PRRX1: variants seen among roughly 807,000 people sequenced by gnomAD.
PRRX1 encodes paired related homeobox 1.
PRRX1 carries 8 observed loss-of-function variants against 24.0 expected under a neutral mutation model. That is an observed-to-expected ratio of 0.33 (90% CI 0.20 to 0.60). The LOEUF (loss-of-function observed/expected upper bound fraction) is 0.60. Ranked by LOEUF, PRRX1 falls within the 20% of genes least tolerant of loss-of-function variation. The pLI, the probability that PRRX1 is intolerant of heterozygous loss-of-function variation, is 0.82. For synonymous variants in PRRX1, 160 were observed against 131.7 expected (o/e 1.22, Z -1.47); for missense variants, 281 against 322.4 (o/e 0.87, Z 0.98).
intron 1 of PRRX1, among the ~76,000 whole-genome samples, chr1:170,689,730 G>A (rs915553441): frequency 1.3e-5 from 2 of 151,962 alleles, no homozygotes; most frequent in African/African-American, 2.4e-5. Context: ...TATGGAGTGA[G>A]GTGGGGAGTG....
rs145919605 is a variant in PRRX1, at chr1:170,705,175, T to C, written c.242-14551T>C. Among the ~76,000 whole-genome samples the C allele has an allele frequency of 5.0e-3, 758 of 152,312 alleles. 10 individuals are homozygous for C. The highest frequency in any genetic ancestry group is 0.016 in the African/African-American group (679 of 41,560). ...GCTCCATGTCTGCATTACGTAGCAATTTAAGACCTCATTTATATAGCTCAT... is the reference window on the plus strand; with the variant it reads ...GCTCCATGTCTGCATTACGTAGCAACTTAAGACCTCATTTATATAGCTCAT... On this transcript the variant is annotated intron_variant, in intron 1 of 3. Coordinates refer to ENST00000239461, the MANE Select transcript of PRRX1 (RefSeq NM_022716.4).
chr1:170,681,664 T>C (rs1203548705), intron 1 of PRRX1, among the ~76,000 whole-genome samples: 3 of 152,202 alleles, frequency 2.0e-5, no homozygotes, highest in Non-Finnish European at 4.4e-5. Context: ...GAGTTGATTT[T>C]GACCATGGTC....
At chr1:170,700,176 A>AT (rs139349125) in intron 1 of PRRX1, among the ~76,000 whole-genome samples, 8,578 of 152,102 alleles carry the variant, frequency 0.056, 279 homozygotes, top group Middle Eastern at 0.12. Context: ...TTTGGAAGTT[A>AT]TTTTTTTGTG....
intron 1 of PRRX1, among the ~76,000 whole-genome samples, chr1:170,714,934 C>T (rs1461888944): frequency 1.3e-5 from 2 of 152,088 alleles, no homozygotes; most frequent in African/African-American, 4.8e-5. Context: ...CATATGTATT[C>T]TAACATTGTG....
chr1:170,705,061 A>C (rs1201596989), intron 1 of PRRX1, among the ~76,000 whole-genome samples: 2 of 151,930 alleles, frequency 1.3e-5, no homozygotes, highest in Non-Finnish European at 2.9e-5. Context: ...CAATATATAA[A>C]CTCTCACAAT....
At chr1:170,667,215 A>C (rs1426866615) in intron 1 of PRRX1, among the ~76,000 whole-genome samples, 2 of 152,002 alleles carry the variant, frequency 1.3e-5, no homozygotes, top group South Asian at 2.1e-4. Context: ...CAGCTTCCGG[A>C]GGAGGCCGCA....
chr1:170,720,080 C>T (rs1453082236), intron 2 of PRRX1, among the ~76,000 whole-genome samples, 179 bp downstream of exon 2: 1 of 152,030 alleles, frequency 6.6e-6, no homozygotes, highest in Non-Finnish European at 1.5e-5. Context: ...CCAGCCTGGG[C>T]AACATAGTGA....
At chr1:170,674,183 C>T (rs1024379402) in intron 1 of PRRX1, among the ~76,000 whole-genome samples, 2 of 145,566 alleles carry the variant, frequency 1.4e-5, no homozygotes, top group African/African-American at 2.5e-5. Flanking sequence ...TGCCTGATAC[C>T]TCTCTCTCTC....
At chr1:170,669,614 C>A (rs1233405158) in intron 1 of PRRX1, among the ~76,000 whole-genome samples, 1 of 151,626 alleles carries the variant, frequency 6.6e-6, no homozygotes, top group Non-Finnish European at 1.5e-5. Flanking sequence ...TTTTACAATC[C>A]CTCTCCTACA....
chr1:170,696,290 G>A (rs1455584921), intron 1 of PRRX1, among the ~76,000 whole-genome samples: 2 of 152,160 alleles, frequency 1.3e-5, no homozygotes, highest in African/African-American at 4.8e-5. Flanking sequence ...GACCAGCAGA[G>A]ATATGTCTAT....
At chr1:170,731,292 C>A (rs772778669) in intron 3 of PRRX1, among the ~76,000 whole-genome samples, 1 of 152,016 alleles carries the variant, frequency 6.6e-6, no homozygotes, top group Admixed American at 6.6e-5. Flanking sequence ...GTCTTGAACA[C>A]CGTAACCCCT....
At chr1:170,678,674 C>A (rs984467427) in intron 1 of PRRX1, among the ~76,000 whole-genome samples, 1 of 152,180 alleles carries the variant, frequency 6.6e-6, no homozygotes. Flanking sequence ...TTCTTTGGAG[C>A]ACATGAAGCC....
chr1:170,722,023 T>G (rs1655101583), intron 2 of PRRX1, among the ~76,000 whole-genome samples: 1 of 152,216 alleles, frequency 6.6e-6, no homozygotes, highest in Non-Finnish European at 1.5e-5. Flanking sequence ...GGGACTGTCT[T>G]GCCCCTATCA....
chr1:170,704,074 T>C (rs1654483831), intron 1 of PRRX1, among the ~76,000 whole-genome samples: 1 of 152,210 alleles, frequency 6.6e-6, no homozygotes. Context: ...AACTAAACAT[T>C]GATTTCCCCA....
At chr1:170,717,877 G>T (rs894301936) in intron 1 of PRRX1, among the ~76,000 whole-genome samples, 1 of 152,214 alleles carries the variant, frequency 6.6e-6, no homozygotes, top group African/African-American at 2.4e-5. Context: ...GGTATAATCA[G>T]TGATGTTGGT....
At chr1:170,694,489 A>C (rs1654102327) in intron 1 of PRRX1, among the ~76,000 whole-genome samples, 1 of 152,156 alleles carries the variant, frequency 6.6e-6, no homozygotes, top group African/African-American at 2.4e-5. Flanking sequence ...TCCATCTAGG[A>C]GAGGCATATT....
chr1:170,684,791 G>A (rs1653675698), intron 1 of PRRX1, among the ~76,000 whole-genome samples: 1 of 152,116 alleles, frequency 6.6e-6, no homozygotes, highest in South Asian at 2.1e-4. Context: ...GATACTTTAA[G>A]CATTCTGCAG....
At chr1:170,728,107 G>A (rs1003342798) in intron 3 of PRRX1, 2 of 152,084 alleles carry the variant, frequency 1.3e-5, no homozygotes, top group Non-Finnish European at 2.9e-5. Flanking sequence ...TCCTCCATAG[G>A]AACTTTTCAT....
At chr1:170,664,537 G>A in intron 1 of PRRX1, 78 bp downstream of exon 1, 1 of 1,509,734 alleles carries the variant, frequency 6.6e-7, no homozygotes, top group Admixed American at 2.1e-5. Flanking sequence ...GCTAGAGCCC[G>A]TCCGCGGCCA....
Sources: allele counts gnomAD v4.1 joint callset (sites outside exome capture counted in the v4.1 genomes callset), GRCh38; gene constraint gnomAD v4.1.1; transcripts MANE v1.5; gene names NCBI Gene and HGNC (gene_info 2026-07-23, HGNC 2026-07-21).